The following ABLIM2 variants were observed in gnomAD, a reference collection of about 807,000 sequenced individuals.
The protein encoded by ABLIM2 is actin binding LIM protein family member 2.
ABLIM2 carries 53 observed loss-of-function variants against 97.7 expected under a neutral mutation model. That is an observed-to-expected ratio of 0.54 (90% CI 0.44 to 0.68). ABLIM2 has a LOEUF of 0.68. ABLIM2 is among the 30% of genes least tolerant of loss of function. The pLI is 0.00. For missense variants in ABLIM2, 835 were observed against 867.2 expected, an observed-to-expected ratio of 0.96 and a Z score of 0.47; for synonymous variants, 361 against 345.8, an observed-to-expected ratio of 1.04 and a Z score of -0.49.
chr4:8,149,207 C>T lies in ABLIM2; in HGVS notation c.10+9473G>A, dbSNP rs983989053. On this transcript the variant is annotated intron_variant, in intron 1 of 20. Coordinates refer to ENST00000447017, the MANE Select transcript of ABLIM2 (RefSeq NM_001130083.2). The surrounding 1 kb of genome is among the most constrained non-coding windows in gnomAD (Gnocchi z 6.4). Reference sequence around the variant, plus strand: ...GGAGACTTCTCTCTCCTCTCTGCTGCCTCCTGCCTCCCGTTAGCGAGAAGC... The same window carrying T: ...GGAGACTTCTCTCTCCTCTCTGCTGTCTCCTGCCTCCCGTTAGCGAGAAGC... Among the ~76,000 whole-genome samples, 3 of 152,232 alleles carry T rather than the reference C, an allele frequency of 2.0e-5. No individual in the cohort carries two copies. Among genetic ancestry groups the T allele is most frequent in the African/African-American group, 7.2e-5 (3 of 41,460 alleles).
chr4:8,000,147 G>A (rs542408478), intron 16 of ABLIM2, among the ~76,000 whole-genome samples: 4 of 152,260 alleles, frequency 2.6e-5, no homozygotes, highest in African/African-American at 9.6e-5. Flanking sequence ...TCCATCTGAG[G>A]AAGGGGGGCA....
chr4:8,120,019 CAA>C lies in ABLIM2; in HGVS notation c.11-13384_11-13383del, dbSNP rs930015434. On this transcript the variant is annotated intron_variant, in intron 1 of 20. Coordinates refer to ENST00000447017, the MANE Select transcript of ABLIM2 (RefSeq NM_001130083.2). This position sits in a 1 kb window ranked among gnomAD's most constrained non-coding sequence, Gnocchi z 5.6. Reference sequence around the variant, plus strand: ...ATTTTGAGGCAGGGGTCCATGAGGACAAAGTCACTCTTGGCCACAAATAGGCT... The same window carrying C: ...ATTTTGAGGCAGGGGTCCATGAGGACAGTCACTCTTGGCCACAAATAGGCT... Among the ~76,000 whole-genome samples the C allele has an allele frequency of 6.6e-6, 1 of 152,176 alleles. No individual in the cohort carries two copies. The highest frequency in any genetic ancestry group is 6.5e-5 in the Admixed American group (1 of 15,286).
Position 8,029,767 on chromosome 4 carries a change from C to T in ABLIM2, c.1057G>A (p.Asp353Asn). Residue 353 changes from aspartate (D) to asparagine (N), a missense_variant, in exon 11 of 21, where the codon GAT becomes AAT. Transcript: ENST00000447017. The part of the protein sequence containing the change: ...DRQSYGEGDQ[D>N]DRSYKQCRTS... ...CGACACTGCTTGTAGGACCGGTCAT[C>T]CTGATCCCCCTGGGAGGGAAGATGC... The T allele has an allele frequency of 1.3e-6, 2 of 1,569,762 alleles. No homozygotes were observed. The highest frequency in any genetic ancestry group is 1.4e-5 in the African/African-American group (1 of 73,936).
intron 16 of ABLIM2, among the ~76,000 whole-genome samples, chr4:7,997,850 C>T (rs77286441): frequency 0.011 from 1,734 of 151,994 alleles, 27 homozygotes; most frequent in African/African-American, 0.04. Context: ...TCTGATTCTT[C>T]TCAGTGTTAG....
At chr4:7,987,716 G>C (rs79304119) in intron 17 of ABLIM2, among the ~76,000 whole-genome samples, 6,113 of 152,284 alleles carry the variant, frequency 0.04, 238 homozygotes, top group African/African-American at 0.1. Context: ...GGAGACTCTA[G>C]GACGGAGATG....
At chr4:8,008,507 G>A (rs922408908) in intron 15 of ABLIM2, among the ~76,000 whole-genome samples, 17 of 152,248 alleles carry the variant, frequency 1.1e-4, no homozygotes, top group African/African-American at 3.9e-4. Flanking sequence ...GAGGGCTGCT[G>A]CCCAAGTCCA....
chr4:8,091,547 ATTTATAATTATATAT>A (rs1156927949), intron 3 of ABLIM2, among the ~76,000 whole-genome samples: 2 of 35,954 alleles, frequency 5.6e-5, no homozygotes, highest in Non-Finnish European at 7.9e-5. Context: ...TATATATAAT[ATTTATAATTATATAT>A]ATTATATATA....
chr4:8,050,834 G>A (rs1275376670), intron 8 of ABLIM2, among the ~76,000 whole-genome samples: 3 of 152,216 alleles, frequency 2.0e-5, no homozygotes, highest in Admixed American at 6.5e-5. Context: ...GAGGCCAGCC[G>A]CTCTCAGCCT....
intron 14 of ABLIM2, among the ~76,000 whole-genome samples, chr4:8,018,123 C>T (rs1395697304): frequency 6.6e-6 from 1 of 152,158 alleles, no homozygotes; most frequent in Non-Finnish European, 1.5e-5. Context: ...TGACAATGAA[C>T]AATTTCATAA....
intron 20 of ABLIM2, among the ~76,000 whole-genome samples, chr4:7,976,503 A>G (rs1417749383): frequency 3.9e-5 from 6 of 152,074 alleles, no homozygotes; most frequent in African/African-American, 1.4e-4. Flanking sequence ...GCTTAACACA[A>G]TCCAGGGCCC....
At position 7,987,949 on chromosome 4, in the gene ABLIM2, C is replaced by A. The variant is rs1014111291; in HGVS notation, c.1681-3056G>T. ...TGCCTGGCATATTCCTGGCTGACTCCCCTACGCCGCTCAGTGCAGGCACCA... is the reference window on the plus strand; with the variant it reads ...TGCCTGGCATATTCCTGGCTGACTCACCTACGCCGCTCAGTGCAGGCACCA... On this transcript the variant is annotated intron_variant, in intron 17 of 20. Transcript: ENST00000447017. 4.6e-5 allele frequency among the ~76,000 whole-genome samples: 7 copies of A among 152,302 alleles called. No homozygotes were observed. In the South Asian group the frequency reaches 8.3e-4, roughly 18 times the overall value.
intron 16 of ABLIM2, 28 bp downstream of exon 16, chr4:8,008,031 C>G: frequency 6.2e-7 from 1 of 1,612,702 alleles, no homozygotes; most frequent in Non-Finnish European, 8.5e-7. Context: ...GTGCACATCA[C>G]GGCTCCTTCT....
chr4:8,107,209 A>G (rs1298299925), intron 1 of ABLIM2, among the ~76,000 whole-genome samples: 1 of 152,250 alleles, frequency 6.6e-6, no homozygotes. Context: ...CCACCACAGT[A>G]CAGGACATTT....
At chr4:8,101,143 A>G (rs1335597309) in intron 2 of ABLIM2, among the ~76,000 whole-genome samples, 1 of 152,220 alleles carries the variant, frequency 6.6e-6, no homozygotes, top group East Asian at 1.9e-4. Context: ...AACACAAGAA[A>G]ACAGAGAACC....
At chr4:8,066,894 T>TA (rs1808235978) in intron 6 of ABLIM2, among the ~76,000 whole-genome samples, 1 of 152,208 alleles carries the variant, frequency 6.6e-6, no homozygotes, top group Admixed American at 6.5e-5. Context: ...AATTGTACGT[T>TA]ACGTGAATGT....
At position 8,033,443 on chromosome 4, in the gene ABLIM2, G is replaced by A. The variant is rs1251074880; in HGVS notation, c.1047+2706C>T. ...GCTGAAGGCCATGGGTGGAATGATGGAATCAAGGGAGAAACCCTCAGGCTG... is the reference window on the plus strand; with the variant it reads ...GCTGAAGGCCATGGGTGGAATGATGAAATCAAGGGAGAAACCCTCAGGCTG... On this transcript the variant is annotated intron_variant, in intron 10 of 20. Transcript: ENST00000447017. The surrounding 1 kb of genome is among the most constrained non-coding windows in gnomAD (Gnocchi z 4.5). 5.3e-5 allele frequency among the ~76,000 whole-genome samples: 8 copies of A among 152,200 alleles called. No homozygotes were observed. Among genetic ancestry groups the A allele is most frequent in the Non-Finnish European group, 4.4e-5 (3 of 68,026 alleles).
chr4:7,998,974 T>A lies in ABLIM2; in HGVS notation c.1619-6047A>T, dbSNP rs1241468695. ...CCCCCTGGACTGCTGTCTGGACTCC[T>A]GAAGTTGGTCTCTGTTGGGGTGGAC... On this transcript the variant is annotated intron_variant, in intron 16 of 20. Coordinates refer to ENST00000447017, the MANE Select transcript of ABLIM2 (RefSeq NM_001130083.2). This position sits in a 1 kb window ranked among gnomAD's most constrained non-coding sequence, Gnocchi z 6.4. Among the ~76,000 whole-genome samples, 1 of 152,238 alleles carries A rather than the reference T, an allele frequency of 6.6e-6. No individual in the cohort carries two copies. Among genetic ancestry groups the A allele is most frequent in the African/African-American group, 2.4e-5 (1 of 41,470 alleles).
chr4:8,027,320 C>T (rs974977307), intron 12 of ABLIM2, among the ~76,000 whole-genome samples: 1 of 152,198 alleles, frequency 6.6e-6, no homozygotes, highest in Admixed American at 6.5e-5. Flanking sequence ...GGTGTGAACC[C>T]TGCCCTGGGC....
At chr4:8,092,827 T>C (rs1453356737) in intron 3 of ABLIM2, among the ~76,000 whole-genome samples, 1 of 152,204 alleles carries the variant, frequency 6.6e-6, no homozygotes, top group Admixed American at 6.5e-5. Flanking sequence ...TATAGTCATC[T>C]CTATTAAACT....
Sources: gnomAD v4.1 joint callset for allele counts (sites outside exome capture counted in the v4.1 genomes callset) on GRCh38, gnomAD v4.1.1 for gene constraint, Gnocchi (gnomAD v3.1) non-coding constraint, MANE v1.5 for transcripts, NCBI Gene and HGNC (gene_info 2026-07-23, HGNC 2026-07-21) for gene names.